MRPL23: variants seen among roughly 807,000 people sequenced by gnomAD.
The protein encoded by MRPL23 is mitochondrial ribosomal protein L23.
For synonymous variants in MRPL23, 12 were observed against 34.8 expected (o/e 0.35, Z 2.30); for missense variants, 25 against 81.3 (o/e 0.31, Z 2.66).
chr11:1,960,068 G>T (rs1021643771), downstream of MRPL23, among the ~76,000 whole-genome samples: 1 of 112,316 alleles, frequency 8.9e-6, no homozygotes, highest in Non-Finnish European at 1.9e-5. Flanking sequence ...CCTCGGGACC[G>T]CACCGGGCTG....
At chr11:1,994,575 G>T in the MRPL23 span, among the ~76,000 whole-genome samples, 1 of 96,596 alleles carries the variant, frequency 1.0e-5, no homozygotes, top group African/African-American at 2.7e-5. Context: ...GAAGCCCACC[G>T]GCTCCCCCAC....
At chr11:1,971,186 C>A (rs185227048) in intron 4 of MRPL23, among the ~76,000 whole-genome samples, 4 of 137,040 alleles carry the variant, frequency 2.9e-5, no homozygotes, top group Middle Eastern at 4.0e-3. Flanking sequence ...TCTCGCCATG[C>A]GTGGGTTCAG....
At chr11:1,971,130 C>T (rs1378543271) in intron 4 of MRPL23, among the ~76,000 whole-genome samples, 2 of 145,302 alleles carry the variant, frequency 1.4e-5, no homozygotes, top group African/African-American at 4.9e-5. Flanking sequence ...CTGTCCAGCC[C>T]TCCCATCTGT....
chr11:1,957,927 C>T (rs1856435848), downstream of MRPL23, among the ~76,000 whole-genome samples: 1 of 114,618 alleles, frequency 8.7e-6, no homozygotes, highest in Non-Finnish European at 1.9e-5. Flanking sequence ...AAGGCCCCCT[C>T]CCTGCTGTGT....
the MRPL23 span, among the ~76,000 whole-genome samples, chr11:1,994,884 G>GC: frequency 1.0e-4 from 1 of 9,988 alleles, no homozygotes; most frequent in Admixed American, 8.3e-4. Flanking sequence ...CAGAGCGCAG[G>GC]CCCCCTCCGC....
At chr11:1,959,242 G>A (rs1171274021), downstream of MRPL23, among the ~76,000 whole-genome samples, 1 of 58,798 alleles carries the variant, frequency 1.7e-5, no homozygotes, top group African/African-American at 5.2e-5. Context: ...CTGCAGAGGA[G>A]CGCGGAGCAG....
intron 5 of MRPL23, among the ~76,000 whole-genome samples, chr11:1,979,040 C>G (rs1182205088): frequency 6.8e-6 from 1 of 146,508 alleles, no homozygotes; most frequent in South Asian, 2.5e-4. Context: ...TTGCTGGTTG[C>G]GTAATCACTG....
At chr11:1,991,809 C>T in the MRPL23 span, 14 of 134,672 alleles carry the variant, frequency 1.0e-4, 3 homozygotes, top group Admixed American at 8.3e-4. Context: ...CCTGGGAGCT[C>T]GGGGTCGGGG....
Position 1,956,299 on chromosome 11 carries a change from A to C in MRPL23, c.341A>C (p.Lys114Thr). The change falls in exon 5 of 5, where the codon AAA (lysine) becomes ACA (threonine). Residue 114 changes from lysine to threonine, a missense_variant. Coordinates refer to ENST00000397298, the MANE Select transcript of MRPL23 (RefSeq NM_021134.4). ...TFTFPDLFPEKDESPEGSAAD... is the reference protein window; with the variant it reads ...TFTFPDLFPETDESPEGSAAD... ...ACGTTCCCAGATCTGTTTCCCGAGA[A>C]AGACGAGAGCCCTGAAGGCAGCGCT... 1 of 1,550,088 alleles carries C rather than the reference A, an allele frequency of 6.5e-7. No homozygotes were observed. Among genetic ancestry groups the C allele is most frequent in the Non-Finnish European group, 8.7e-7 (1 of 1,145,780 alleles).
intron 4 of MRPL23, among the ~76,000 whole-genome samples, chr11:1,971,186 C>T (rs185227048): frequency 1.5e-5 from 2 of 137,042 alleles, no homozygotes; most frequent in East Asian, 2.1e-4. Flanking sequence ...TCTCGCCATG[C>T]GTGGGTTCAG....
At chr11:1,971,115 G>C (rs1223956714) in intron 4 of MRPL23, among the ~76,000 whole-genome samples, 1 of 145,660 alleles carries the variant, frequency 6.9e-6, no homozygotes, top group Non-Finnish European at 1.5e-5. Flanking sequence ...CCACAGCCCT[G>C]CTTCCTGTCC....
downstream of MRPL23, among the ~76,000 whole-genome samples, chr11:1,988,952 C>T (rs1451293130): frequency 7.0e-6 from 1 of 143,476 alleles, no homozygotes; most frequent in Non-Finnish European, 1.6e-5. Context: ...TGGGTCAGCA[C>T]ACACGCTCCC....
chr11:1,950,621 C>T lies in MRPL23; in HGVS notation c.18-278C>T, dbSNP rs868270676. Among the ~76,000 whole-genome samples the T allele has an allele frequency of 2.4e-3, 77 of 32,740 alleles. 14 individuals are homozygous for T. Among genetic ancestry groups the T allele is most frequent in the African/African-American group, 5.2e-3 (76 of 14,694 alleles). 21.5% of individuals were successfully genotyped at this position (32,740 alleles called of 152,430 possible). A position where few individuals can be genotyped will look rare whatever the true frequency, so the allele number is the denominator to read the frequency against. Reference sequence around the variant, plus strand: ...CTGCAGGGTTAGCTACCCTGTTTCCCGCCCACCCCTGTTGTGAGTGGACAC... The same window carrying T: ...CTGCAGGGTTAGCTACCCTGTTTCCTGCCCACCCCTGTTGTGAGTGGACAC... On this transcript the variant is annotated intron_variant, in intron 1 of 4. Coordinates refer to ENST00000397298, the MANE Select transcript of MRPL23 (RefSeq NM_021134.4).
chr11:1,989,027 G>A (rs528060877), downstream of MRPL23, among the ~76,000 whole-genome samples: 1 of 140,580 alleles, frequency 7.1e-6, no homozygotes, highest in African/African-American at 2.5e-5. Context: ...TGCTCAGGCC[G>A]ACGCATCCCA....
intron 4 of MRPL23, among the ~76,000 whole-genome samples, chr11:1,971,093 G>C (rs143474383): frequency 1.4e-5 from 2 of 145,558 alleles, no homozygotes; most frequent in Non-Finnish European, 3.1e-5. Flanking sequence ...TCCTCCCGGG[G>C]CCCCGGCCTG....
chr11:1,988,755 G>A (rs190830496), downstream of MRPL23, among the ~76,000 whole-genome samples: 47 of 137,044 alleles, frequency 3.4e-4, 4 homozygotes, highest in South Asian at 0.01. Context: ...CCCCGCCCCC[G>A]CCTTTCCCCT....
downstream of MRPL23, among the ~76,000 whole-genome samples, chr11:1,988,707 C>T (rs927318318): frequency 3.1e-5 from 4 of 129,108 alleles, 1 homozygote; most frequent in Non-Finnish European, 5.1e-5. Context: ...AGAACCCTTT[C>T]TCCTTCCTTG....
At chr11:1,968,622 T>A (rs2119549972) in intron 4 of MRPL23, among the ~76,000 whole-genome samples, 1 of 145,526 alleles carries the variant, frequency 6.9e-6, no homozygotes. Context: ...CTGGACCTCG[T>A]GCCTGTCCGT....
downstream of MRPL23, among the ~76,000 whole-genome samples, chr11:1,959,245 C>T (rs1325406591): frequency 6.5e-5 from 4 of 61,796 alleles, no homozygotes; most frequent in Non-Finnish European, 6.8e-5. Context: ...CAGAGGAGCG[C>T]GGAGCAGGCC....
Sources: allele counts gnomAD v4.1 joint callset (sites outside exome capture counted in the v4.1 genomes callset), GRCh38; gene constraint gnomAD v4.1.1; transcripts MANE v1.5; gene names NCBI Gene and HGNC (gene_info 2026-07-23, HGNC 2026-07-21).